CDH12: variants seen among roughly 807,000 people sequenced by gnomAD.
CDH12 encodes cadherin 12.
Under a neutral mutation model 74.1 loss-of-function variants are expected in CDH12, and 41 were observed. The ratio of observed to expected loss-of-function variants is 0.55; its 90% CI spans 0.43 to 0.72. The LOEUF (loss-of-function observed/expected upper bound fraction) is 0.72. Among genes scored for constraint, CDH12 ranks in the 30% least tolerant of loss-of-function variants. The pLI, the probability that CDH12 is intolerant of heterozygous loss-of-function variation, is 0.00. For missense variants in CDH12, 945 were observed against 977.2 expected (o/e 0.97, Z 0.44); for synonymous variants, 399 against 355.0 (o/e 1.12, Z -1.39).
chr5:22,379,954 T>G (rs1561359280), intron 3 of CDH12, among the ~76,000 whole-genome samples: 1 of 152,106 alleles, frequency 6.6e-6, no homozygotes, highest in Admixed American at 6.6e-5. Context: ...AGACAAGGTC[T>G]CTCTATTTTA....
intron 1 of CDH12, among the ~76,000 whole-genome samples, chr5:22,522,740 A>G (rs565109845): frequency 6.6e-6 from 1 of 152,256 alleles, no homozygotes; most frequent in Admixed American, 6.5e-5. Flanking sequence ...AGTTAACACA[A>G]CCTTCCTGAA....
At chr5:21,904,492 G>C (rs7445292) in intron 6 of CDH12, among the ~76,000 whole-genome samples, 1 of 152,034 alleles carries the variant, frequency 6.6e-6, no homozygotes, top group African/African-American at 2.4e-5. Context: ...TTGGGCTGGC[G>C]TAGTAGCTCA....
At chr5:22,752,292 A>T (rs969592104) in intron 1 of CDH12, among the ~76,000 whole-genome samples, 1 of 151,984 alleles carries the variant, frequency 6.6e-6, no homozygotes, top group Non-Finnish European at 1.5e-5. Flanking sequence ...AAAACCCTTA[A>T]TGTACATGTA....
intron 5 of CDH12, among the ~76,000 whole-genome samples, chr5:22,067,369 G>C (rs1741636062): frequency 6.6e-6 from 1 of 152,214 alleles, no homozygotes; most frequent in Non-Finnish European, 1.5e-5. Flanking sequence ...GTTGTTGCAT[G>C]TGGTCCCTCC....
At chr5:22,434,885 C>A (rs1007446016) in intron 2 of CDH12, among the ~76,000 whole-genome samples, 3 of 152,096 alleles carry the variant, frequency 2.0e-5, no homozygotes, top group Non-Finnish European at 4.4e-5. Flanking sequence ...ATTGAAATTG[C>A]CTTTGCAAAA....
chr5:22,413,353 A>G (rs948851635), intron 2 of CDH12, among the ~76,000 whole-genome samples: 1 of 152,026 alleles, frequency 6.6e-6, no homozygotes, highest in African/African-American at 2.4e-5. Flanking sequence ...TAGAAGATTT[A>G]TAAGAAAACT....
intron 1 of CDH12, among the ~76,000 whole-genome samples, chr5:22,786,199 C>A (rs1011604357): frequency 6.6e-6 from 1 of 152,118 alleles, no homozygotes. Context: ...TGATCCTTAG[C>A]AAACTAATGC....
intron 5 of CDH12, among the ~76,000 whole-genome samples, chr5:22,047,533 C>A (rs1045374468): frequency 1.3e-5 from 2 of 151,960 alleles, no homozygotes; most frequent in South Asian, 2.1e-4. Flanking sequence ...AACACCCCCC[C>A]CCACATCCAT....
intron 2 of CDH12, among the ~76,000 whole-genome samples, chr5:22,498,419 A>G (rs1747193588): frequency 6.6e-6 from 1 of 152,126 alleles, no homozygotes; most frequent in South Asian, 2.1e-4. Flanking sequence ...AAAATAATAT[A>G]GAGACAATTT....
In CDH12 at chr5:22,458,350, A is replaced by G. The variant is rs185442924; in HGVS notation, c.-428+46920T>C. ...TACTAGCAATATTGGATTAGATCCC[A>G]TCCTAAAAAAACTCATCTTAACTTG... is the stretch of plus-strand genomic sequence containing the variant. On this transcript the variant is annotated intron_variant, in intron 2 of 14. Coordinates refer to ENST00000382254, the MANE Select transcript of CDH12 (RefSeq NM_004061.5). 5.8e-4 allele frequency among the ~76,000 whole-genome samples: 88 copies of G among 152,250 alleles called. 1 individual carries two copies. The East Asian group carries it at 0.017, about 29-fold the overall frequency.
chr5:21,939,093 G>A (rs1251064221), intron 6 of CDH12, among the ~76,000 whole-genome samples: 3 of 151,242 alleles, frequency 2.0e-5, no homozygotes, highest in Non-Finnish European at 2.9e-5. Context: ...AGAAAAAAAT[G>A]CAGCCTTCTA....
intron 5 of CDH12, among the ~76,000 whole-genome samples, chr5:22,019,100 T>G (rs1737799394): frequency 1.3e-5 from 2 of 152,134 alleles, no homozygotes; most frequent in Admixed American, 1.3e-4. Flanking sequence ...ATTTCAATGT[T>G]TCTGCTTAAA....
chr5:22,061,166 T>C (rs1388686155), intron 5 of CDH12, among the ~76,000 whole-genome samples: 1 of 152,188 alleles, frequency 6.6e-6, no homozygotes, highest in African/African-American at 2.4e-5. Flanking sequence ...TACACTGATA[T>C]ATGTTATGTA....
Position 22,205,545 on chromosome 5 carries a change from T to G in CDH12, c.-187+6953A>C, listed in dbSNP as rs1320882317. Among the ~76,000 whole-genome samples the G allele has an allele frequency of 3.9e-5, 6 of 152,128 alleles. No homozygotes were observed. In the South Asian group the frequency reaches 1.2e-3, roughly 31 times the overall value. Reference sequence around the variant, plus strand: ...AATGAAATATATTTCCCTCTATTGTTTATAGATTTTAGCAATAAGAAAGAA... The same window carrying G: ...AATGAAATATATTTCCCTCTATTGTGTATAGATTTTAGCAATAAGAAAGAA... On this transcript the variant is annotated intron_variant, in intron 4 of 14. Transcript: ENST00000382254.
intron 5 of CDH12, among the ~76,000 whole-genome samples, chr5:22,064,354 C>T (rs1020442617): frequency 2.6e-5 from 4 of 152,136 alleles, no homozygotes; most frequent in Admixed American, 2.0e-4. Flanking sequence ...GATAAATACA[C>T]ACATATTCTG....
intron 1 of CDH12, among the ~76,000 whole-genome samples, chr5:22,689,157 G>A (rs913264646): frequency 1.6e-4 from 24 of 152,108 alleles, no homozygotes; most frequent in African/African-American, 5.8e-4. Flanking sequence ...CTTCTCTCCA[G>A]GATATTTCAA....
chr5:22,521,253 T>C (rs1167158608), intron 1 of CDH12, among the ~76,000 whole-genome samples: 4 of 151,888 alleles, frequency 2.6e-5, no homozygotes, highest in African/African-American at 9.7e-5. Flanking sequence ...ATTATATTAA[T>C]ATTTAATGGC....
At chr5:21,910,174 C>G (rs1753802674) in intron 6 of CDH12, among the ~76,000 whole-genome samples, 1 of 152,154 alleles carries the variant, frequency 6.6e-6, no homozygotes, top group African/African-American at 2.4e-5. Flanking sequence ...GCAAACAGAG[C>G]ATCCCACATG....
chr5:22,279,595 C>G (rs1736788956), intron 3 of CDH12, among the ~76,000 whole-genome samples: 1 of 152,026 alleles, frequency 6.6e-6, no homozygotes, highest in Admixed American at 6.6e-5. Flanking sequence ...TCTCATTGCT[C>G]AATTCCCACC....
Sources: gnomAD v4.1 joint callset for allele counts (sites outside exome capture counted in the v4.1 genomes callset) on GRCh38, gnomAD v4.1.1 for gene constraint, MANE v1.5 for transcripts, NCBI Gene and HGNC (gene_info 2026-07-23, HGNC 2026-07-21) for gene names.